Variants in FAM219A observed in about 807,000 individuals in gnomAD.
FAM219A encodes the protein protein FAM219A.
Under a neutral mutation model 23.4 loss-of-function variants are expected in FAM219A, and 7 were observed. That is an observed-to-expected ratio of 0.30 (90% CI 0.17 to 0.56). The LOEUF (loss-of-function observed/expected upper bound fraction) is 0.56, where lower values mean the gene tolerates loss of function less well. Among genes scored for constraint, FAM219A ranks in the 20% least tolerant of loss-of-function variants. FAM219A has a pLI of 0.92. For synonymous variants in FAM219A, 93 were observed against 99.0 expected (o/e 0.94, Z 0.36); for missense variants, 166 against 246.9 (o/e 0.67, Z 2.20).
intron 1 of FAM219A, among the ~76,000 whole-genome samples, chr9:34,414,117 T>C (rs952243145): frequency 1.3e-5 from 2 of 152,220 alleles, no homozygotes; most frequent in South Asian, 2.1e-4. Context: ...TTGCCTCTGG[T>C]CCAAGAATAG....
chr9:34,432,272 G>T (rs75341394), intron 1 of FAM219A, among the ~76,000 whole-genome samples: 3,163 of 152,212 alleles, frequency 0.021, 92 homozygotes, highest in East Asian at 0.12. Flanking sequence ...AGGCAAGCCT[G>T]CTCCTCACTG....
At chr9:34,450,280 TC>T (rs1167273981) in intron 1 of FAM219A, among the ~76,000 whole-genome samples, 1 of 148,180 alleles carries the variant, frequency 6.7e-6, no homozygotes, top group Non-Finnish European at 1.5e-5. Flanking sequence ...GCCACTGTAC[TC>T]CAGCCTCGGT....
At chr9:34,431,477 G>A (rs1822700439) in intron 1 of FAM219A, among the ~76,000 whole-genome samples, 1 of 152,188 alleles carries the variant, frequency 6.6e-6, no homozygotes, top group African/African-American at 2.4e-5. Context: ...GTCTGCACTT[G>A]AGCAGAATGC....
chr9:34,439,147 C>G (rs567361666), intron 1 of FAM219A, among the ~76,000 whole-genome samples: 1 of 152,188 alleles, frequency 6.6e-6, no homozygotes, highest in Non-Finnish European at 1.5e-5. Flanking sequence ...CACATCTGAA[C>G]GTCAGAAGGA....
rs1044574402 is a variant in FAM219A, at chr9:34,454,253, T to C, written c.60+3951A>G. On this transcript the variant is annotated intron_variant, in intron 1 of 5. Coordinates refer to ENST00000651358, the MANE Select transcript of FAM219A (RefSeq NM_001184940.2). The stretch of plus-strand genomic sequence containing the variant: ...GAGATTGATACCATCCTGGCCAACA[T>C]GGTGAAAGCCTGTCTCTACTAAAAA... 3.9e-5 allele frequency among the ~76,000 whole-genome samples: 6 copies of C among 152,290 alleles called. 1 individual carries two copies. The highest frequency in any genetic ancestry group is 4.1e-4 in the South Asian group (2 of 4,824).
At position 34,404,482 on chromosome 9, in the gene FAM219A, C is replaced by T. The variant is rs574593885; in HGVS notation, c.160+1383G>A. Among the ~76,000 whole-genome samples the T allele has an allele frequency of 1.4e-3, 206 of 152,192 alleles. 1 individual carries two copies. The highest frequency in any genetic ancestry group is 4.7e-3 in the African/African-American group (197 of 41,528). ...CAGCACTCTGGGAGGCCGAGGTGGG[C>T]GGATCACTTGAGACCAGGAGTTCCA... On this transcript the variant is annotated intron_variant, in intron 2 of 5. Coordinates refer to ENST00000651358, the MANE Select transcript of FAM219A (RefSeq NM_001184940.2).
At chr9:34,437,170 A>G (rs1432135263) in intron 1 of FAM219A, among the ~76,000 whole-genome samples, 1 of 152,136 alleles carries the variant, frequency 6.6e-6, no homozygotes, top group Non-Finnish European at 1.5e-5. Context: ...TTGCAAGAAG[A>G]CAAACACTAC....
chr9:34,430,636 C>CAAAAAAAAAAAAAAAAA (rs757627612), intron 1 of FAM219A, among the ~76,000 whole-genome samples: 1 of 56,278 alleles, frequency 1.8e-5, no homozygotes, highest in Admixed American at 2.3e-4. Flanking sequence ...GACTCCGTCT[C>CAAAAAAAAAAAAAAAAA]AAAAAAAAAA....
At chr9:34,449,938 A>G (rs2132017787) in intron 1 of FAM219A, among the ~76,000 whole-genome samples, 1 of 152,330 alleles carries the variant, frequency 6.6e-6, no homozygotes, top group African/African-American at 2.4e-5. Flanking sequence ...AGAATACTAT[A>G]GGAAATGCTG....
chr9:34,422,667 C>G (rs367861720), intron 1 of FAM219A, among the ~76,000 whole-genome samples: 1 of 151,982 alleles, frequency 6.6e-6, no homozygotes, highest in East Asian at 1.9e-4. Flanking sequence ...CTGAAGCAGT[C>G]GATAGCTCAA....
intron 1 of FAM219A, among the ~76,000 whole-genome samples, chr9:34,447,467 G>A (rs1224273574): frequency 2.0e-5 from 3 of 152,174 alleles, no homozygotes; most frequent in Non-Finnish European, 4.4e-5. Flanking sequence ...TATCCACTAG[G>A]GCAGCTAGGA....
Position 34,458,493 on chromosome 9 carries a change from CG to C in FAM219A, c.-231del, listed in dbSNP as rs1823854543. 2.6e-6 allele frequency: 1 copy of C among 379,092 alleles called. No individual in the cohort carries two copies. Among genetic ancestry groups the C allele is most frequent in the African/African-American group, 2.1e-5 (1 of 47,104 alleles). 23.5% of individuals were successfully genotyped at this position (379,092 alleles called of 1,614,324 possible). On this transcript the variant is annotated 5_prime_UTR_variant, in exon 1 of 6. Coordinates refer to ENST00000651358, the MANE Select transcript of FAM219A (RefSeq NM_001184940.2). The surrounding 1 kb of genome is among the most constrained non-coding windows in gnomAD (Gnocchi z 6.6). ...TGCCTAGCACTACCGCGGCTGTGGC[CG>C]GGCCGAGCCGCAGGTCTTGCCTCGC...
In FAM219A at chr9:34,437,026, C is replaced by G. The variant is rs79721312; in HGVS notation, c.60+21178G>C. Among the ~76,000 whole-genome samples, 9 of 152,264 alleles carry G rather than the reference C, an allele frequency of 5.9e-5. No homozygotes were observed. In the East Asian group the frequency reaches 1.7e-3, roughly 29 times the overall value. The stretch of plus-strand genomic sequence containing the variant: ...TTCATCAGTCCTAATTTCCCTGCCA[C>G]CAAAAGGAACTTGGGATGTGGACTA... On this transcript the variant is annotated intron_variant, in intron 1 of 5. Coordinates refer to ENST00000651358, the MANE Select transcript of FAM219A (RefSeq NM_001184940.2).
rs1821298559 is a variant in FAM219A, at chr9:34,398,423, T to G, written c.*2541A>C. 1.8e-5 allele frequency: 27 copies of G among 1,527,370 alleles called. No individual in the cohort carries two copies. The highest frequency in any genetic ancestry group is 2.3e-5 in the Non-Finnish European group (26 of 1,126,808). 94.6% of individuals were successfully genotyped at this position (1,527,370 alleles called of 1,614,324 possible). ...GGGGAAGGGTGGCAGGAGGGCAAGCTAAGGCCTAGATTCTTCCCTCCAACC... is the reference window on the plus strand; with the variant it reads ...GGGGAAGGGTGGCAGGAGGGCAAGCGAAGGCCTAGATTCTTCCCTCCAACC... On this transcript the variant is annotated 3_prime_UTR_variant, in exon 6 of 6. Transcript: ENST00000651358.
At chr9:34,432,446 C>T (rs1822751127) in intron 1 of FAM219A, among the ~76,000 whole-genome samples, 1 of 152,172 alleles carries the variant, frequency 6.6e-6, no homozygotes, top group Non-Finnish European at 1.5e-5. Context: ...ACAGTGCTGA[C>T]CACATTTTTC....
intron 1 of FAM219A, among the ~76,000 whole-genome samples, chr9:34,421,701 C>T (rs1369939779): frequency 6.6e-6 from 1 of 151,582 alleles, no homozygotes; most frequent in Non-Finnish European, 1.5e-5. Flanking sequence ...GCCACAGCCT[C>T]CCCCACCCCC....
intron 1 of FAM219A, among the ~76,000 whole-genome samples, chr9:34,427,907 G>T (rs577076726): frequency 6.6e-6 from 1 of 152,280 alleles, no homozygotes; most frequent in East Asian, 1.9e-4. Context: ...CTTCACTTAA[G>T]GTCCACAGCC....
Position 34,398,624 on chromosome 9 carries a change from AT to A in FAM219A, c.*2339del. 1 of 525,028 alleles carries A rather than the reference AT, an allele frequency of 1.9e-6. No individual in the cohort carries two copies. The highest frequency in any genetic ancestry group is 3.1e-5 in the Admixed American group (1 of 32,110). The allele number at this position is 525,028 out of a possible 1,614,324, so 32.5% of individuals were successfully genotyped here. On this transcript the variant is annotated 3_prime_UTR_variant, in exon 6 of 6. Transcript: ENST00000651358. ...TCCCTGGTGTCTCAGGGCCACAGAGATTGAACAATGGGCCCGAGTCACACTG... is the reference window on the plus strand; with the variant it reads ...TCCCTGGTGTCTCAGGGCCACAGAGATGAACAATGGGCCCGAGTCACACTG...
At chr9:34,455,537 G>C (rs900445025) in intron 1 of FAM219A, among the ~76,000 whole-genome samples, 1 of 150,598 alleles carries the variant, frequency 6.6e-6, no homozygotes, top group Non-Finnish European at 1.5e-5. Flanking sequence ...TAGGCACACG[G>C]CTCACTGCAG....
Sources: allele counts gnomAD v4.1 joint callset (sites outside exome capture counted in the v4.1 genomes callset), GRCh38; gene constraint gnomAD v4.1.1; non-coding constraint Gnocchi (gnomAD v3.1); transcripts MANE v1.5; gene names NCBI Gene and HGNC (gene_info 2026-07-23, HGNC 2026-07-21).